The following TNFSF4 variants were observed in gnomAD, a reference collection of about 807,000 sequenced individuals.
TNFSF4 encodes tumor necrosis factor ligand superfamily member 4.
A neutral mutation model predicts 7.3 loss-of-function variants in TNFSF4; 4 were observed. The observed-to-expected ratio is 0.55, with a 90% CI of 0.27 to 1.25. TNFSF4 has a LOEUF of 1.25. TNFSF4 is among the 50% of genes most tolerant of loss of function. The pLI, the probability that TNFSF4 is intolerant of heterozygous loss-of-function variation, is 0.12. For synonymous variants in TNFSF4, 76 were observed against 83.7 expected, an observed-to-expected ratio of 0.91 and a Z score of 0.50; for missense variants, 181 against 208.8, an observed-to-expected ratio of 0.87 and a Z score of 0.82.
the TNFSF4 span, among the ~76,000 whole-genome samples, chr1:173,284,400 A>G: frequency 6.6e-6 from 1 of 152,242 alleles, no homozygotes; most frequent in African/African-American, 2.4e-5. Context: ...AAGGTAAAGC[A>G]GCAAGTGCTG....
chr1:173,180,850 G>A (rs1649043911), downstream of TNFSF4, among the ~76,000 whole-genome samples: 1 of 152,156 alleles, frequency 6.6e-6, no homozygotes, highest in East Asian at 1.9e-4. Context: ...AGACATGATA[G>A]CAACAAGTAT....
At chr1:173,259,827 A>G in the TNFSF4 span, among the ~76,000 whole-genome samples, 2 of 152,192 alleles carry the variant, frequency 1.3e-5, no homozygotes, top group Non-Finnish European at 1.5e-5. Context: ...CAAAACTTCT[A>G]AGAACTAGGG....
chr1:173,397,859 C>A, the TNFSF4 span, among the ~76,000 whole-genome samples: 1 of 152,150 alleles, frequency 6.6e-6, no homozygotes, highest in Non-Finnish European at 1.5e-5. Flanking sequence ...GGTAGTGGTA[C>A]CCACCGAATC....
chr1:173,414,620 G>A, the TNFSF4 span, among the ~76,000 whole-genome samples: 47 of 152,312 alleles, frequency 3.1e-4, no homozygotes, highest in Non-Finnish European at 5.4e-4. Context: ...AAGCTTCAAA[G>A]TATGAAGTAG....
At chr1:173,272,282 A>G in the TNFSF4 span, among the ~76,000 whole-genome samples, 4 of 152,120 alleles carry the variant, frequency 2.6e-5, no homozygotes, top group African/African-American at 9.7e-5. Context: ...AACATGGCAC[A>G]TGTATATGTA....
the TNFSF4 span, among the ~76,000 whole-genome samples, chr1:173,430,272 T>G: frequency 9.6e-3 from 1,458 of 152,360 alleles, 24 homozygotes; most frequent in African/African-American, 0.034. Flanking sequence ...TAACATTGTT[T>G]CATCTTGAAT....
chr1:173,371,380 A>C, the TNFSF4 span, among the ~76,000 whole-genome samples: 1 of 152,174 alleles, frequency 6.6e-6, no homozygotes, highest in African/African-American at 2.4e-5. Flanking sequence ...TATTATCTAT[A>C]TGAATATGAG....
the TNFSF4 span, among the ~76,000 whole-genome samples, chr1:173,342,327 A>G: frequency 6.6e-6 from 1 of 152,132 alleles, no homozygotes; most frequent in Non-Finnish European, 1.5e-5. Context: ...ATTATTTTAT[A>G]TATGTTGATG....
At chr1:173,422,279 C>G in the TNFSF4 span, among the ~76,000 whole-genome samples, 4 of 124,184 alleles carry the variant, frequency 3.2e-5, no homozygotes, top group African/African-American at 9.4e-5. Flanking sequence ...AACTAACAAG[C>G]CATAAACAAT....
the TNFSF4 span, among the ~76,000 whole-genome samples, chr1:173,323,225 C>A: frequency 6.6e-6 from 1 of 152,212 alleles, no homozygotes; most frequent in Non-Finnish European, 1.5e-5. Flanking sequence ...ACTTGCAGTT[C>A]ACCAATATCC....
the TNFSF4 span, among the ~76,000 whole-genome samples, chr1:173,248,390 A>AGAAG: frequency 0.072 from 10,757 of 148,976 alleles, 542 homozygotes; most frequent in African/African-American, 0.13. Context: ...AAGGAAAGAA[A>AGAAG]GAAGGAAGGA....
the TNFSF4 span, among the ~76,000 whole-genome samples, chr1:173,283,260 C>T: frequency 2.0e-5 from 3 of 152,212 alleles, no homozygotes; most frequent in East Asian, 3.9e-4. Flanking sequence ...TCTCTGAAGG[C>T]ACCAATCAAC....
At chr1:173,341,549 G>A in the TNFSF4 span, among the ~76,000 whole-genome samples, 2 of 152,182 alleles carry the variant, frequency 1.3e-5, no homozygotes, top group Non-Finnish European at 2.9e-5. Flanking sequence ...GGAATCAGGA[G>A]ACATAATTAA....
At chr1:173,384,163 G>C in the TNFSF4 span, among the ~76,000 whole-genome samples, 1 of 152,190 alleles carries the variant, frequency 6.6e-6, no homozygotes, top group African/African-American at 2.4e-5. Flanking sequence ...AGGGTGTGAG[G>C]AACTGCTCCA....
chr1:173,294,475 G>A, the TNFSF4 span, among the ~76,000 whole-genome samples: 2 of 151,982 alleles, frequency 1.3e-5, no homozygotes, highest in East Asian at 1.9e-4. Context: ...ATAGATGAGG[G>A]TTCAAAAACT....
At chr1:173,351,355 T>C in the TNFSF4 span, among the ~76,000 whole-genome samples, 2 of 152,230 alleles carry the variant, frequency 1.3e-5, no homozygotes, top group Non-Finnish European at 2.9e-5. Flanking sequence ...TGTTTCTCTT[T>C]GTGTTATGGT....
the TNFSF4 span, chr1:173,362,294 T>C: frequency 1.8e-5 from 3 of 169,648 alleles, no homozygotes; most frequent in African/African-American, 7.2e-5. Context: ...ACGGTTAACA[T>C]GGCTTCAACT....
At chr1:173,241,022 T>A in the TNFSF4 span, among the ~76,000 whole-genome samples, 2 of 152,338 alleles carry the variant, frequency 1.3e-5, no homozygotes, top group Non-Finnish European at 2.9e-5. Context: ...GAATTTACTA[T>A]GTTTTCTTGA....
chr1:173,220,952 A>G, the TNFSF4 span, among the ~76,000 whole-genome samples: 1 of 152,180 alleles, frequency 6.6e-6, no homozygotes, highest in African/African-American at 2.4e-5. Flanking sequence ...AATGAAATAG[A>G]CAGGGACAAG....
Sources: gnomAD v4.1 joint callset for allele counts (sites outside exome capture counted in the v4.1 genomes callset) on GRCh38, gnomAD v4.1.1 for gene constraint, MANE v1.5 for transcripts, NCBI Gene and HGNC (gene_info 2026-07-23, HGNC 2026-07-21) for gene names.